RASSF4: variants seen among roughly 807,000 people sequenced by gnomAD.
RASSF4 encodes the protein ras association domain-containing protein 4.
A neutral mutation model predicts 41.1 loss-of-function variants in RASSF4; 38 were observed. The observed-to-expected ratio is 0.92, with a 90% CI of 0.71 to 1.21. The LOEUF is 1.21. RASSF4 is among the 50% of genes most tolerant of loss of function. The probability of loss-of-function intolerance (pLI) is 0.00; values close to 1 mark genes in which losing one functional copy is unlikely to be tolerated. For synonymous variants in RASSF4, 179 were observed against 163.4 expected (o/e 1.10, Z -0.73); for missense variants, 414 against 419.4 (o/e 0.99, Z 0.11).
chr10:44,968,844 C>G (rs2091958705), intron 1 of RASSF4, among the ~76,000 whole-genome samples: 2 of 152,168 alleles, frequency 1.3e-5, no homozygotes, highest in African/African-American at 4.8e-5. Flanking sequence ...CTGTCGTGGG[C>G]AGGATGTGGT....
chr10:44,962,324 G>C (rs532290982), intron 1 of RASSF4, among the ~76,000 whole-genome samples: 1 of 152,374 alleles, frequency 6.6e-6, no homozygotes, highest in Admixed American at 6.5e-5. Flanking sequence ...GACAAGAGCT[G>C]TCTCATCTCC....
chr10:44,974,072 C>G (rs1408394319), intron 3 of RASSF4, among the ~76,000 whole-genome samples: 1 of 152,204 alleles, frequency 6.6e-6, no homozygotes, highest in African/African-American at 2.4e-5. Flanking sequence ...TAAGACGAGG[C>G]TTTAGGCTGT....
chr10:44,987,626 C>CTTT (rs34115822), intron 6 of RASSF4, among the ~76,000 whole-genome samples: 46 of 128,230 alleles, frequency 3.6e-4, no homozygotes, highest in East Asian at 3.3e-3. Flanking sequence ...AAAATGTGCA[C>CTTT]TTTTTTTTTT....
chr10:44,988,074 T>C (rs1841984793), intron 6 of RASSF4, among the ~76,000 whole-genome samples: 1 of 152,102 alleles, frequency 6.6e-6, no homozygotes, highest in African/African-American at 2.4e-5. Context: ...AAACTTGAGT[T>C]TGAAAAGCAA....
At chr10:44,967,199 C>G (rs1213613655) in intron 1 of RASSF4, among the ~76,000 whole-genome samples, 2 of 152,116 alleles carry the variant, frequency 1.3e-5, no homozygotes, top group African/African-American at 4.8e-5. Context: ...CCAGGCTGAC[C>G]ATCGAGTAGC....
At chr10:44,964,967 A>G (rs758541652) in intron 1 of RASSF4, among the ~76,000 whole-genome samples, 3 of 152,268 alleles carry the variant, frequency 2.0e-5, no homozygotes, top group African/African-American at 4.8e-5. Flanking sequence ...CCTGGAGCTC[A>G]GGAAAAACAG....
At chr10:44,968,477 G>A (rs1216342589) in intron 1 of RASSF4, among the ~76,000 whole-genome samples, 1 of 152,198 alleles carries the variant, frequency 6.6e-6, no homozygotes, top group Non-Finnish European at 1.5e-5. Context: ...TGGATAGGAT[G>A]ATCCTGAGGT....
chr10:44,974,287 A>G (rs1476915803), intron 3 of RASSF4, among the ~76,000 whole-genome samples: 1 of 152,254 alleles, frequency 6.6e-6, no homozygotes, highest in African/African-American at 2.4e-5. Context: ...AGAACCTCCA[A>G]TGCACCAGGC....
At chr10:44,960,387 G>A (rs1232169351) in intron 1 of RASSF4, among the ~76,000 whole-genome samples, 4 of 152,206 alleles carry the variant, frequency 2.6e-5, no homozygotes, top group African/African-American at 9.7e-5. Context: ...TTTCAGATGT[G>A]AAAACTGAGG....
intron 3 of RASSF4, among the ~76,000 whole-genome samples, chr10:44,973,744 G>T (rs1162902232): frequency 6.6e-6 from 1 of 152,214 alleles, no homozygotes; most frequent in Admixed American, 6.5e-5. Context: ...GGGGGCAGGG[G>T]CGCGGGAGCG....
Position 44,993,304 on chromosome 10 carries a change from T to C in RASSF4, c.941T>C (p.Leu314Pro). Residue 314 changes from leucine to proline, a missense_variant, in exon 11 of 11, where the codon CTG (leucine) becomes CCG (proline). Transcript: ENST00000340258. The part of the protein sequence containing the change: ...QALRLTMLQR[L>P]EQLVEAK ...CTGCGTCTGACGATGCTGCAGCGCC[T>C]GGAGCAGCTGGTGGAGGCCAAGTAA... The C allele has an allele frequency of 6.2e-7, 1 of 1,607,032 alleles. No homozygotes were observed. The highest frequency in any genetic ancestry group is 2.2e-5 in the East Asian group (1 of 44,810).
At chr10:44,976,050 C>T (rs1841412275) in intron 3 of RASSF4, 1 of 150,614 alleles carries the variant, frequency 6.6e-6, no homozygotes. Context: ...AAAGGCTGCC[C>T]CGGCTAAAGG....
chr10:44,965,660 A>G (rs1412372405), intron 1 of RASSF4, among the ~76,000 whole-genome samples: 2 of 150,872 alleles, frequency 1.3e-5, no homozygotes, highest in Admixed American at 1.3e-4. Flanking sequence ...AGCTGGAAAA[A>G]CCTCCTTTTG....
chr10:44,984,601 G>A (rs1841846035), intron 5 of RASSF4: 1 of 611,542 alleles, frequency 1.6e-6, no homozygotes, highest in African/African-American at 1.8e-5. Flanking sequence ...GTATGGCCAT[G>A]TGACATTGTG....
At chr10:44,991,186 A>C (rs544208402) in intron 9 of RASSF4, 117 bp downstream of exon 9, 75 of 985,792 alleles carry the variant, frequency 7.6e-5, no homozygotes, top group South Asian at 4.5e-5. Context: ...GGAGCTCCAC[A>C]CTCTCCCAAA....
Position 44,989,173 on chromosome 10 carries a change from AGATCTCAGC to A in RASSF4, c.532-99_532-91del. 4 of 708,796 alleles carry A rather than the reference AGATCTCAGC, an allele frequency of 5.6e-6. No individual in the cohort carries two copies. The South Asian group carries it at 6.9e-5, about 12-fold the overall frequency. 43.9% of individuals were successfully genotyped at this position (708,796 alleles called of 1,614,324 possible). A position where few individuals can be genotyped will look rare whatever the true frequency, so the allele number is the denominator to read the frequency against. ...TGAATGGACAGGTGCAGGTGTTCCC[AGATCTCAGC>A]GTCACCTGCTGCCTTGGTCTGTTCA... is the stretch of plus-strand genomic sequence containing the variant. On this transcript the variant is annotated intron_variant, in intron 6 of 10. Transcript: ENST00000340258.
intron 3 of RASSF4, chr10:44,977,899 T>C: frequency 1.9e-6 from 3 of 1,612,624 alleles, no homozygotes; most frequent in Non-Finnish European, 2.5e-6. Context: ...CCAGTCGAGA[T>C]ATAGACCTCA....
At position 44,993,486 on chromosome 10, in the gene RASSF4, C is replaced by T. The variant is rs913299271; in HGVS notation, c.*157C>T. The T allele has an allele frequency of 1.4e-5, 9 of 633,572 alleles. No individual in the cohort carries two copies. The highest frequency in any genetic ancestry group is 2.2e-5 in the Non-Finnish European group (8 of 358,712). 39.2% of individuals were successfully genotyped at this position (633,572 alleles called of 1,614,324 possible). On this transcript the variant is annotated 3_prime_UTR_variant, in exon 11 of 11. Transcript: ENST00000340258. ...TCTGAAGCCTGAGCACCATGATTCCCACAGCCAGCTCTTGGCTCCAAGATG... is the reference window on the plus strand; with the variant it reads ...TCTGAAGCCTGAGCACCATGATTCCTACAGCCAGCTCTTGGCTCCAAGATG...
intron 8 of RASSF4, chr10:44,990,405 A>C (rs1842065346): frequency 6.4e-6 from 1 of 155,740 alleles, no homozygotes; most frequent in Non-Finnish European, 1.4e-5. Context: ...ATTTGGGCTT[A>C]AATAGCATAT....
Sources: allele counts gnomAD v4.1 joint callset (sites outside exome capture counted in the v4.1 genomes callset), GRCh38; gene constraint gnomAD v4.1.1; transcripts MANE v1.5; gene names NCBI Gene and HGNC (gene_info 2026-07-23, HGNC 2026-07-21).